Variants in CRYBG1 observed in about 807,000 individuals in gnomAD.
CRYBG1 encodes beta/gamma crystallin domain-containing protein 1.
A neutral mutation model predicts 189.2 loss-of-function variants in CRYBG1; 139 were observed. That is an observed-to-expected ratio of 0.73 (90% confidence interval 0.64 to 0.85). CRYBG1 has a LOEUF of 0.85. Ranked by LOEUF, CRYBG1 falls within the 40% of genes least tolerant of loss-of-function variation. CRYBG1 has a pLI of 0.00. For synonymous variants in CRYBG1, 1,023 were observed against 1,017.1 expected, an observed-to-expected ratio of 1.01 and a Z score of -0.11; for missense variants, 2,611 against 2,675.8, an observed-to-expected ratio of 0.98 and a Z score of 0.53.
At position 106,543,599 on chromosome 6, in the gene CRYBG1, T is replaced by A. The variant is rs761498641; in HGVS notation, c.5039+2T>A. 4.3e-6 allele frequency: 7 copies of A among 1,613,260 alleles called. No individual in the cohort carries two copies. The highest frequency in any genetic ancestry group is 5.1e-6 in the Non-Finnish European group (6 of 1,179,610). ...GTCTATGAAAGTTCTAAGAGGCATG[T>A]AAGTACATGGGTGACTTGTTAGGAT... On this transcript the variant is annotated splice_donor_variant, in intron 11 of 21. Transcript: ENST00000633556. LOFTEE classifies it high-confidence loss of function.
intron 1 of CRYBG1, among the ~76,000 whole-genome samples, chr6:106,410,831 G>A (rs1435544545): frequency 6.6e-6 from 1 of 152,104 alleles, no homozygotes; most frequent in African/African-American, 2.4e-5. Context: ...GGACCTGGAG[G>A]GAAACATCAC....
At chr6:106,419,004 C>T (rs1771077851) in intron 1 of CRYBG1, among the ~76,000 whole-genome samples, 1 of 152,184 alleles carries the variant, frequency 6.6e-6, no homozygotes, top group Non-Finnish European at 1.5e-5. Flanking sequence ...GCCACCCTAC[C>T]CTAATCTTTT....
At chr6:106,534,005 A>G (rs1046218390) in intron 8 of CRYBG1, among the ~76,000 whole-genome samples, 2 of 152,230 alleles carry the variant, frequency 1.3e-5, no homozygotes, top group Non-Finnish European at 2.9e-5. Context: ...TGGGAATCTA[A>G]GCAAAAGAAA....
intron 2 of CRYBG1, among the ~76,000 whole-genome samples, chr6:106,476,256 G>A (rs970385105): frequency 2.0e-5 from 3 of 152,196 alleles, no homozygotes; most frequent in Admixed American, 6.5e-5. Flanking sequence ...TGTCACACGG[G>A]TGGGGTGAGC....
At chr6:106,454,603 CA>C (rs1175266131) in intron 2 of CRYBG1, among the ~76,000 whole-genome samples, 1 of 152,188 alleles carries the variant, frequency 6.6e-6, no homozygotes, top group Non-Finnish European at 1.5e-5. Flanking sequence ...CCTTCTTTCC[CA>C]GGCAGAATAA....
intron 3 of CRYBG1, among the ~76,000 whole-genome samples, chr6:106,513,473 CAT>C (rs1773348307): frequency 1.3e-5 from 2 of 152,232 alleles, no homozygotes; most frequent in Non-Finnish European, 2.9e-5. Context: ...GTAGCTTTGA[CAT>C]GTGTGAGTTT....
chr6:106,391,056 C>A (rs1770490431), intron 1 of CRYBG1, among the ~76,000 whole-genome samples: 1 of 152,106 alleles, frequency 6.6e-6, no homozygotes, highest in African/African-American at 2.4e-5. Flanking sequence ...GTGAAGAGTT[C>A]CAGTTGCTTG....
chr6:106,482,884 C>T (rs1459394877), intron 2 of CRYBG1, among the ~76,000 whole-genome samples: 2 of 152,074 alleles, frequency 1.3e-5, no homozygotes, highest in Non-Finnish European at 2.9e-5. Flanking sequence ...TGTAATTGTA[C>T]ATATTTATGG....
chr6:106,517,378 A>ACG (rs1554188214), intron 3 of CRYBG1, among the ~76,000 whole-genome samples: 1 of 72,440 alleles, frequency 1.4e-5, no homozygotes, highest in Non-Finnish European at 3.3e-5. Context: ...ATACACACAC[A>ACG]CATATACACA....
chr6:106,494,545 A>G (rs1772800662), intron 2 of CRYBG1, among the ~76,000 whole-genome samples: 1 of 152,240 alleles, frequency 6.6e-6, no homozygotes, highest in Non-Finnish European at 1.5e-5. Flanking sequence ...CTTGATGTAC[A>G]TCAAAGACTT....
At chr6:106,450,475 C>G (rs1245826797) in intron 1 of CRYBG1, among the ~76,000 whole-genome samples, 1 of 152,210 alleles carries the variant, frequency 6.6e-6, no homozygotes, top group Non-Finnish European at 1.5e-5. Flanking sequence ...TCATTCTGCT[C>G]TGGCATCTTT....
rs147837537 is a variant in CRYBG1, at chr6:106,395,950, A to G, written c.173+34869A>G. Among the ~76,000 whole-genome samples, 108 of 152,174 alleles carry G rather than the reference A, an allele frequency of 7.1e-4. 1 individual carries two copies. The highest frequency in any genetic ancestry group is 9.4e-4 in the Non-Finnish European group (64 of 67,998). On this transcript the variant is annotated intron_variant, in intron 1 of 21. Transcript: ENST00000633556. ...AGGCATTGGTCATGTTTCCGCTTCCATTTTCATGGAGGAGATAACCCATCC... is the reference window on the plus strand; with the variant it reads ...AGGCATTGGTCATGTTTCCGCTTCCGTTTTCATGGAGGAGATAACCCATCC...
chr6:106,490,361 G>C (rs1457293798), intron 2 of CRYBG1, among the ~76,000 whole-genome samples: 1 of 152,184 alleles, frequency 6.6e-6, no homozygotes, highest in African/African-American at 2.4e-5. Flanking sequence ...AGTTTAGGGG[G>C]GAGCAGTTCA....
chr6:106,419,169 C>G (rs1019110451), intron 1 of CRYBG1, among the ~76,000 whole-genome samples: 1 of 152,186 alleles, frequency 6.6e-6, no homozygotes, highest in Non-Finnish European at 1.5e-5. Flanking sequence ...TGGCATTCAC[C>G]TGTACAAGCT....
At chr6:106,486,667 T>A (rs1386379038) in intron 2 of CRYBG1, among the ~76,000 whole-genome samples, 1 of 152,152 alleles carries the variant, frequency 6.6e-6, no homozygotes, top group East Asian at 1.9e-4. Context: ...CCCTTTATCA[T>A]TATATAATGA....
At chr6:106,425,716 C>T (rs1216497283) in intron 1 of CRYBG1, among the ~76,000 whole-genome samples, 1 of 152,186 alleles carries the variant, frequency 6.6e-6, no homozygotes, top group African/African-American at 2.4e-5. Context: ...ACTGCAACCT[C>T]CGCCTCCCAG....
At chr6:106,504,751 G>T (rs1215029473) in intron 2 of CRYBG1, among the ~76,000 whole-genome samples, 1 of 152,022 alleles carries the variant, frequency 6.6e-6, no homozygotes, top group Non-Finnish European at 1.5e-5. Flanking sequence ...GGGGAGGATA[G>T]TTAATTTATT....
At chr6:106,437,267 T>C (rs182282176) in intron 1 of CRYBG1, among the ~76,000 whole-genome samples, 1 of 152,302 alleles carries the variant, frequency 6.6e-6, no homozygotes, top group African/African-American at 2.4e-5. Context: ...TTTGCTAATA[T>C]TTTTCTTATA....
chr6:106,527,452 C>T lies in CRYBG1; in HGVS notation c.4560C>T (p.Ser1520=). ...AESDKPVVIG[S]IRHVVQDYRV... Reference sequence around the variant, plus strand: ...CTGATAAGCCAGTGGTGATTGGTTCCATCAGACATGTGGTTCAGGTAGGTT... The same window carrying T: ...CTGATAAGCCAGTGGTGATTGGTTCTATCAGACATGTGGTTCAGGTAGGTT... The change falls in exon 7 of 22, where the codon TCC becomes TCT. Residue 1520 remains serine, a synonymous_variant. Transcript: ENST00000633556. 1 of 1,611,202 alleles carries T rather than the reference C, an allele frequency of 6.2e-7. No homozygotes were observed. Among genetic ancestry groups the T allele is most frequent in the East Asian group, 2.2e-5 (1 of 44,708 alleles).
Sources: allele counts gnomAD v4.1 joint callset (sites outside exome capture counted in the v4.1 genomes callset), GRCh38; gene constraint gnomAD v4.1.1; transcripts MANE v1.5; gene names NCBI Gene and HGNC (gene_info 2026-07-23, HGNC 2026-07-21).